The following SHANK2 variants were observed in gnomAD, a reference collection of about 807,000 sequenced individuals.
SHANK2 encodes the protein SH3 and multiple ankyrin repeat domains protein 2.
Under a neutral mutation model 133.7 loss-of-function variants are expected in SHANK2, and 43 were observed. The ratio of observed to expected loss-of-function variants is 0.32; its 90% CI spans 0.25 to 0.41. The LOEUF (loss-of-function observed/expected upper bound fraction) is 0.41, where lower values mean the gene tolerates loss of function less well. Ranked by LOEUF, SHANK2 falls within the 10% of genes least tolerant of loss-of-function variation. SHANK2 has a pLI of 1.00. For synonymous variants in SHANK2, 1,017 were observed against 952.8 expected (o/e 1.07, Z -1.24); for missense variants, 1,994 against 2,235.8 (o/e 0.89, Z 2.18).
intron 12 of SHANK2, among the ~76,000 whole-genome samples, chr11:70,812,344 C>T (rs534887589): frequency 7.9e-4 from 120 of 152,332 alleles, no homozygotes; most frequent in African/African-American, 2.5e-3. Context: ...CAGTGACATA[C>T]GGTTCCAGCC....
intron 11 of SHANK2, among the ~76,000 whole-genome samples, chr11:70,888,750 G>T (rs1240152344): frequency 3.9e-5 from 6 of 152,102 alleles, no homozygotes; most frequent in Non-Finnish European, 8.8e-5. Context: ...CTGGGAGGTG[G>T]AGGTTGAAGT....
chr11:70,932,434 G>T (rs770574512), intron 10 of SHANK2, among the ~76,000 whole-genome samples: 1 of 152,244 alleles, frequency 6.6e-6, no homozygotes, highest in Non-Finnish European at 1.5e-5. Flanking sequence ...GTGCGGCCCC[G>T]CTAAGGGAAG....
chr11:70,486,846 C>T lies in SHANK2; in HGVS notation c.3447G>A (p.Thr1149=), dbSNP rs140286970. 187 of 1,612,702 alleles carry T rather than the reference C, an allele frequency of 1.2e-4. 2 individuals are homozygous for T. The East Asian group carries it at 2.1e-3, about 18-fold the overall frequency. ...CGAAATGGTTTTCGGGCTCCCTGGG[C>T]GTGGCACTCGGCATGGGGGATGACA... ...EQLSSPMPSA[T]PREPENHFVG... Residue 1149 remains threonine, a synonymous_variant, in exon 25 of 26, where the codon ACG becomes ACA. Coordinates refer to ENST00000601538, the MANE Select transcript of SHANK2 (RefSeq NM_012309.5). This position sits in a 1 kb window ranked among gnomAD's most constrained non-coding sequence, Gnocchi z 8.0.
At chr11:70,894,071 T>A (rs1222292386) in intron 11 of SHANK2, among the ~76,000 whole-genome samples, 1 of 152,242 alleles carries the variant, frequency 6.6e-6, no homozygotes, top group African/African-American at 2.4e-5. Context: ...GCATCATAAA[T>A]AAGAAAGGTA....
chr11:70,877,829 C>G (rs1949593346), intron 11 of SHANK2, among the ~76,000 whole-genome samples: 1 of 152,218 alleles, frequency 6.6e-6, no homozygotes, highest in African/African-American at 2.4e-5. Flanking sequence ...TAAATATTCC[C>G]TGCGGAGAAA....
Position 70,485,248 on chromosome 11 carries a change from G to T in SHANK2, c.4979+66C>A. Reference sequence around the variant, plus strand: ...TGTCCGCTGGGGCTGCTACCCGAGGGCCTTTCCTGGTCAGCAGGGACAGTG... The same window carrying T: ...TGTCCGCTGGGGCTGCTACCCGAGGTCCTTTCCTGGTCAGCAGGGACAGTG... On this transcript the variant is annotated intron_variant, in intron 25 of 25. Coordinates refer to ENST00000601538, the MANE Select transcript of SHANK2 (RefSeq NM_012309.5). This position sits in a 1 kb window ranked among gnomAD's most constrained non-coding sequence, Gnocchi z 5.8. 1.4e-6 allele frequency: 2 copies of T among 1,392,532 alleles called. No individual in the cohort carries two copies. The highest frequency in any genetic ancestry group is 2.0e-6 in the Non-Finnish European group (2 of 984,808). The allele number at this position is 1,392,532 out of a possible 1,614,324, so 86.3% of individuals were successfully genotyped here.
At chr11:71,103,505 C>T (rs1482510131) in intron 6 of SHANK2, among the ~76,000 whole-genome samples, 1 of 152,222 alleles carries the variant, frequency 6.6e-6, no homozygotes, top group African/African-American at 2.4e-5. Flanking sequence ...TGTGTTTCTC[C>T]CTCTGCATCC....
At chr11:70,880,565 C>A (rs1159800843) in intron 11 of SHANK2, among the ~76,000 whole-genome samples, 6 of 152,184 alleles carry the variant, frequency 3.9e-5, no homozygotes, top group African/African-American at 1.4e-4. Flanking sequence ...GCGGGCATGC[C>A]CCCTCTGTGA....
chr11:70,876,337 A>G (rs1426644381), intron 11 of SHANK2, among the ~76,000 whole-genome samples: 4 of 150,578 alleles, frequency 2.7e-5, no homozygotes, highest in African/African-American at 4.9e-5. Context: ...CGAGGCGGGC[A>G]GATCACGAGG....
At chr11:70,638,214 G>A (rs904036201) in intron 17 of SHANK2, among the ~76,000 whole-genome samples, 6 of 152,226 alleles carry the variant, frequency 3.9e-5, no homozygotes, top group African/African-American at 1.4e-4. Flanking sequence ...GAACAGGCTC[G>A]GCATAGAATG....
At chr11:70,574,843 C>T (rs1385899387) in intron 17 of SHANK2, among the ~76,000 whole-genome samples, 2 of 152,224 alleles carry the variant, frequency 1.3e-5, no homozygotes, top group Non-Finnish European at 2.9e-5. Context: ...TGGTTGGCAG[C>T]CTTACAAAAC....
At chr11:70,558,051 G>A (rs2059856067) in intron 17 of SHANK2, among the ~76,000 whole-genome samples, 2 of 152,232 alleles carry the variant, frequency 1.3e-5, no homozygotes, top group South Asian at 4.1e-4. Flanking sequence ...AGGGAGAGGA[G>A]GCGAGACCGT....
chr11:70,612,699 C>T (rs1473359790), intron 17 of SHANK2, among the ~76,000 whole-genome samples: 3 of 152,270 alleles, frequency 2.0e-5, no homozygotes, highest in Admixed American at 6.5e-5. Context: ...GTGCAATTCC[C>T]GCGCTCTATC....
At chr11:70,690,116 G>A (rs1945243806) in intron 15 of SHANK2, among the ~76,000 whole-genome samples, 1 of 152,214 alleles carries the variant, frequency 6.6e-6, no homozygotes, top group African/African-American at 2.4e-5. Flanking sequence ...GAAGTTGCAG[G>A]ATGATCGTCG....
chr11:70,665,232 C>T (rs1944657041), intron 15 of SHANK2, among the ~76,000 whole-genome samples: 1 of 152,180 alleles, frequency 6.6e-6, no homozygotes, highest in African/African-American at 2.4e-5. Flanking sequence ...GTTTGAACCC[C>T]AGGCAGTACG....
At chr11:70,787,224 C>G (rs1373034122) in intron 14 of SHANK2, among the ~76,000 whole-genome samples, 1 of 148,362 alleles carries the variant, frequency 6.7e-6, no homozygotes, top group Non-Finnish European at 1.5e-5. Context: ...ACCACCACCA[C>G]TAGGATCACC....
chr11:70,621,472 G>A (rs2060828043), intron 17 of SHANK2, among the ~76,000 whole-genome samples: 1 of 152,176 alleles, frequency 6.6e-6, no homozygotes, highest in African/African-American at 2.4e-5. Context: ...CCACCACACT[G>A]CCAGATGCAC....
intron 9 of SHANK2, among the ~76,000 whole-genome samples, chr11:71,073,165 C>T (rs1371012326): frequency 0.67 from 23,348 of 34,936 alleles, 7,207 homozygotes; most frequent in Middle Eastern, 0.83. Flanking sequence ...TCTTTTTTTT[C>T]TTTTTTTTTT....
At chr11:70,740,105 G>A (rs1384850586) in intron 14 of SHANK2, among the ~76,000 whole-genome samples, 2 of 150,398 alleles carry the variant, frequency 1.3e-5, no homozygotes, top group Middle Eastern at 3.4e-3. Flanking sequence ...TCATGGCTCC[G>A]TCCACAGCAC....
Sources: gnomAD v4.1 joint callset for allele counts (sites outside exome capture counted in the v4.1 genomes callset) on GRCh38, gnomAD v4.1.1 for gene constraint, Gnocchi (gnomAD v3.1) non-coding constraint, MANE v1.5 for transcripts, NCBI Gene and HGNC (gene_info 2026-07-23, HGNC 2026-07-21) for gene names.